The following RAPGEF5 variants were observed in gnomAD, a reference collection of about 807,000 sequenced individuals.
RAPGEF5 encodes Rap guanine nucleotide exchange factor 5.
In RAPGEF5, 65 loss-of-function variants were observed where a neutral mutation model predicts 125.2. That is an observed-to-expected ratio of 0.52 (90% CI 0.43 to 0.64). The LOEUF is 0.64. Among genes scored for constraint, RAPGEF5 ranks in the 30% least tolerant of loss-of-function variants. The probability of loss-of-function intolerance (pLI) is 0.00; values close to 1 mark genes in which losing one functional copy is unlikely to be tolerated. For missense variants in RAPGEF5, 958 were observed against 1,048.1 expected (o/e 0.91, Z 1.19); for synonymous variants, 391 against 385.9 (o/e 1.01, Z -0.16).
intron 11 of RAPGEF5, chr7:22,193,032 C>A: frequency 2.8e-6 from 1 of 354,494 alleles, no homozygotes; most frequent in Non-Finnish European, 5.1e-6. Flanking sequence ...CCTCCTCCTC[C>A]TTGTATTTCT....
chr7:22,297,702 T>C (rs1223234471), intron 5 of RAPGEF5, among the ~76,000 whole-genome samples: 1 of 152,244 alleles, frequency 6.6e-6, no homozygotes, highest in Non-Finnish European at 1.5e-5. Context: ...TGTATATAAC[T>C]ATGTCATCTG....
chr7:22,156,705 G>A (rs768587223), intron 16 of RAPGEF5, 105 bp downstream of exon 16: 14 of 1,556,632 alleles, frequency 9.0e-6, no homozygotes, highest in Admixed American at 1.9e-5. Context: ...TATCTGAGGG[G>A]TGACAGCTGG....
intron 7 of RAPGEF5, among the ~76,000 whole-genome samples, chr7:22,244,971 C>T (rs1395450483): frequency 6.6e-6 from 1 of 152,180 alleles, no homozygotes; most frequent in Non-Finnish European, 1.5e-5. Context: ...TTCTTCATAT[C>T]CTCGTCAATA....
intron 1 of RAPGEF5, among the ~76,000 whole-genome samples, chr7:22,333,265 C>T (rs2528643): frequency 0.42 from 64,478 of 151,780 alleles, 14,195 homozygotes; most frequent in African/African-American, 0.56. Flanking sequence ...TACCCAGATA[C>T]AGTGGGGGGT....
At chr7:22,131,153 T>A in intron 23 of RAPGEF5, 52 bp from the exon 24 acceptor site, 1 of 1,491,550 alleles carries the variant, frequency 6.7e-7, no homozygotes, top group Non-Finnish European at 8.9e-7. Flanking sequence ...GGATCATGAG[T>A]CAGGGCTGAA....
At chr7:22,129,285 A>G (rs1314431509) in intron 24 of RAPGEF5, among the ~76,000 whole-genome samples, 1 of 152,204 alleles carries the variant, frequency 6.6e-6, no homozygotes, top group Non-Finnish European at 1.5e-5. Flanking sequence ...AACAGGCAAC[A>G]GCCAGCTGAT....
intron 11 of RAPGEF5, among the ~76,000 whole-genome samples, chr7:22,187,817 A>T (rs1784869314): frequency 6.6e-6 from 1 of 152,242 alleles, no homozygotes; most frequent in Non-Finnish European, 1.5e-5. Context: ...ATAGAAACCT[A>T]GAATTGGTCT....
At chr7:22,160,389 G>A (rs779711426) in intron 14 of RAPGEF5, 129 bp downstream of exon 14, 104 of 805,346 alleles carry the variant, frequency 1.3e-4, no homozygotes, top group Non-Finnish European at 1.9e-4. Flanking sequence ...TACTAGAAAA[G>A]CTAAGGCATC....
intron 7 of RAPGEF5, among the ~76,000 whole-genome samples, chr7:22,258,280 C>A (rs1362655234): frequency 3.3e-5 from 5 of 152,118 alleles, no homozygotes; most frequent in Non-Finnish European, 7.4e-5. Flanking sequence ...AATTTCAATA[C>A]TTAACGTAAA....
chr7:22,248,561 C>T (rs998122835), intron 7 of RAPGEF5, among the ~76,000 whole-genome samples: 4 of 152,112 alleles, frequency 2.6e-5, no homozygotes, highest in African/African-American at 7.2e-5. Context: ...GGACAATGCC[C>T]CCAACTCCTC....
chr7:22,122,360 C>CGT lies in RAPGEF5; in HGVS notation c.*44_*45dup, dbSNP rs1312528328. On this transcript the variant is annotated 3_prime_UTR_variant, in exon 26 of 26. Transcript: ENST00000665637. ...GCAACGTGCTTGGCATAGACATTCCCGTAGCTCAAAGTGCTGCAGATACAG... is the reference window on the plus strand; with the variant it reads ...GCAACGTGCTTGGCATAGACATTCCCGTGTAGCTCAAAGTGCTGCAGATACAG... The CGT allele has an allele frequency of 1.4e-6, 2 of 1,457,050 alleles. No individual in the cohort carries two copies. The highest frequency in any genetic ancestry group is 2.8e-5 in the African/African-American group (2 of 71,694). The allele number at this position is 1,457,050 out of a possible 1,614,324, so 90.3% of individuals were successfully genotyped here. A position where few individuals can be genotyped will look rare whatever the true frequency, so the allele number is the denominator to read the frequency against.
intron 9 of RAPGEF5, among the ~76,000 whole-genome samples, chr7:22,197,317 C>G (rs1785169600): frequency 6.6e-6 from 1 of 152,214 alleles, no homozygotes; most frequent in African/African-American, 2.4e-5. Context: ...CTGTCTGAAA[C>G]AGGCAGTAGA....
intron 1 of RAPGEF5, among the ~76,000 whole-genome samples, chr7:22,320,925 G>A (rs1311888805): frequency 2.6e-5 from 4 of 151,930 alleles, no homozygotes; most frequent in Non-Finnish European, 5.9e-5. Context: ...CTGGTCACTC[G>A]ATGCAGGGTA....
chr7:22,142,681 T>A (rs1583404703), intron 20 of RAPGEF5, among the ~76,000 whole-genome samples: 1 of 152,246 alleles, frequency 6.6e-6, no homozygotes. Context: ...CATTCCACGA[T>A]AAGAACAGAC....
intron 11 of RAPGEF5, among the ~76,000 whole-genome samples, chr7:22,191,880 GCTTACTAATGTGACC>G (rs1447733391): frequency 6.6e-6 from 1 of 152,154 alleles, no homozygotes; most frequent in African/African-American, 2.4e-5. Context: ...TAATTTCCCT[GCTTACTAATGTGACC>G]CAGACACAAA....
chr7:22,187,896 T>C (rs1263932855), intron 11 of RAPGEF5, among the ~76,000 whole-genome samples: 3 of 152,232 alleles, frequency 2.0e-5, no homozygotes, highest in Non-Finnish European at 4.4e-5. Context: ...TTGCATCACC[T>C]GGGGAACTTT....
At chr7:22,331,123 C>T (rs533184851) in intron 1 of RAPGEF5, among the ~76,000 whole-genome samples, 6 of 152,168 alleles carry the variant, frequency 3.9e-5, no homozygotes, top group East Asian at 1.9e-4. Context: ...ATGCAAACTG[C>T]GACACAGATA....
intron 6 of RAPGEF5, among the ~76,000 whole-genome samples, chr7:22,275,911 G>A (rs1782543698): frequency 6.6e-6 from 1 of 152,158 alleles, no homozygotes; most frequent in African/African-American, 2.4e-5. Context: ...AACAACAGAA[G>A]AAACTACAGA....
intron 9 of RAPGEF5, among the ~76,000 whole-genome samples, chr7:22,211,811 C>G (rs1785512134): frequency 6.6e-6 from 1 of 152,076 alleles, no homozygotes; most frequent in African/African-American, 2.4e-5. Flanking sequence ...TTGGATAAAC[C>G]CACAGGTCCT....
Sources: allele counts gnomAD v4.1 joint callset (sites outside exome capture counted in the v4.1 genomes callset), GRCh38; gene constraint gnomAD v4.1.1; transcripts MANE v1.5; gene names NCBI Gene and HGNC (gene_info 2026-07-23, HGNC 2026-07-21).